Variants in WDR44 observed in about 807,000 individuals in gnomAD.
WDR44 encodes WD repeat domain 44.
WDR44 carries 9 observed loss-of-function variants against 65.7 expected under a neutral mutation model. That is an observed-to-expected ratio of 0.14 (90% CI 0.08 to 0.24). The LOEUF (loss-of-function observed/expected upper bound fraction) is 0.24. WDR44 is among the 10% of genes least tolerant of loss of function. The probability of loss-of-function intolerance (pLI) is 1.00; values close to 1 mark genes in which losing one functional copy is unlikely to be tolerated. For missense variants in WDR44, 425 were observed against 670.9 expected, an observed-to-expected ratio of 0.63 and a Z score of 4.05; for synonymous variants, 220 against 235.2, an observed-to-expected ratio of 0.94 and a Z score of 0.59.
chrX:118,442,729 CT>C, intron 17 of WDR44, 49 bp downstream of exon 17: 1 of 1,040,055 alleles, frequency 9.6e-7, no homozygotes, highest in Non-Finnish European at 1.3e-6. Context: ...CATTTCTCCC[CT>C]AGTTCCATTT....
At chrX:118,425,642 C>T (rs1428211787) in intron 12 of WDR44, among the ~76,000 whole-genome samples, 1 of 109,903 alleles carries the variant, frequency 9.1e-6, no homozygotes, top group African/African-American at 3.3e-5. Flanking sequence ...AGCAAGACTC[C>T]ATCTCAAAAA....
At chrX:118,352,353 T>TATATATATATATATATATATATATA (rs1491172810) in intron 1 of WDR44, among the ~76,000 whole-genome samples, 1 of 15,795 alleles carries the variant, frequency 6.3e-5, no homozygotes, top group Non-Finnish European at 8.6e-5. Context: ...TATATATATA[T>TATATATATATATATATATATATATA]TTTTTTTTTT....
At chrX:118,367,355 T>G (rs761509112) in intron 1 of WDR44, among the ~76,000 whole-genome samples, 6 of 111,743 alleles carry the variant, frequency 5.4e-5, no homozygotes, top group Non-Finnish European at 7.5e-5. Flanking sequence ...TGCTCTTTTT[T>G]TGTGTGTGTG....
At chrX:118,390,122 A>G (rs984815083) in intron 3 of WDR44, among the ~76,000 whole-genome samples, 2 of 109,498 alleles carry the variant, frequency 1.8e-5, no homozygotes, top group Non-Finnish European at 3.8e-5. Flanking sequence ...GGGTTTCACC[A>G]TGTTGGCCAG....
chrX:118,375,375 A>G (rs1986586), intron 1 of WDR44, among the ~76,000 whole-genome samples: 15,728 of 108,492 alleles, frequency 0.14, 2,071 homozygotes, highest in African/African-American at 0.4. Flanking sequence ...CCACATGGAA[A>G]TTTGTGCCCC....
chrX:118,354,431 A>C (rs1003452985), intron 1 of WDR44, among the ~76,000 whole-genome samples: 2 of 110,225 alleles, frequency 1.8e-5, no homozygotes, highest in Non-Finnish European at 3.8e-5. Context: ...AAAAAAAAAA[A>C]AAACTATAGT....
At chrX:118,423,176 T>G (rs1213729524) in intron 12 of WDR44, among the ~76,000 whole-genome samples, 1 of 105,214 alleles carries the variant, frequency 9.5e-6, no homozygotes, top group African/African-American at 3.4e-5. Flanking sequence ...TATAAAGTTG[T>G]TTTTTTTTTG....
intron 16 of WDR44, 69 bp from the exon 17 acceptor site, chrX:118,442,496 C>A: frequency 9.6e-7 from 1 of 1,042,692 alleles, no homozygotes; most frequent in Non-Finnish European, 1.3e-6. Context: ...GTGTAACACC[C>A]TTTTTGGGTT....
chrX:118,390,420 T>G (rs766689693), intron 3 of WDR44, among the ~76,000 whole-genome samples: 1 of 111,679 alleles, frequency 9.0e-6, no homozygotes, highest in South Asian at 3.7e-4. Flanking sequence ...AGGTACTAAT[T>G]ATCTGGTGTA....
At chrX:118,421,889 C>T (rs997224018) in intron 12 of WDR44, among the ~76,000 whole-genome samples, 6 of 111,465 alleles carry the variant, frequency 5.4e-5, no homozygotes, top group Non-Finnish European at 1.1e-4. Flanking sequence ...GACTGTTAGA[C>T]CTCATGGCTT....
chrX:118,399,553 A>G (rs1265007776), intron 8 of WDR44, among the ~76,000 whole-genome samples: 1 of 111,736 alleles, frequency 8.9e-6, no homozygotes, highest in Non-Finnish European at 1.9e-5. Context: ...AATTACTACA[A>G]TTATTCTGGG....
chrX:118,361,552 T>A (rs2056512039), intron 1 of WDR44, among the ~76,000 whole-genome samples: 1 of 111,508 alleles, frequency 9.0e-6, no homozygotes, highest in Non-Finnish European at 1.9e-5. Flanking sequence ...AAGAACAGCC[T>A]GGGCAATATG....
At position 118,371,362 on chromosome X, in the gene WDR44, G is replaced by T. The variant is rs12008788; in HGVS notation, c.78-7057G>T. Among the ~76,000 whole-genome samples, 160 of 111,125 alleles carry T rather than the reference G, an allele frequency of 1.4e-3. 2 individuals carry two copies. The highest frequency in any genetic ancestry group is 4.6e-3 in the Middle Eastern group (1 of 218). On this transcript the variant is annotated intron_variant, in intron 1 of 19. Coordinates refer to ENST00000254029, the MANE Select transcript of WDR44 (RefSeq NM_019045.5). ...GAGGGTACAAAGTTTTAGTTAGGAGGAATAAGTTCTGGAGAACTATTGCAC... is the reference window on the plus strand; with the variant it reads ...GAGGGTACAAAGTTTTAGTTAGGAGTAATAAGTTCTGGAGAACTATTGCAC...
chrX:118,356,846 CTT>C (rs774889869), intron 1 of WDR44, among the ~76,000 whole-genome samples: 5 of 90,087 alleles, frequency 5.6e-5, no homozygotes, highest in Admixed American at 1.3e-4. Flanking sequence ...ATATTTCTTT[CTT>C]TTTTTTTTTT....
intron 8 of WDR44, among the ~76,000 whole-genome samples, chrX:118,402,435 C>CAAAAAA (rs758497932): frequency 1.4e-4 from 2 of 14,423 alleles, no homozygotes; most frequent in Non-Finnish European, 1.0e-4. Context: ...AACTCTGTCT[C>CAAAAAA]AAAAAAAAAA....
At chrX:118,357,099 G>A (rs1264214309) in intron 1 of WDR44, among the ~76,000 whole-genome samples, 1 of 110,195 alleles carries the variant, frequency 9.1e-6, no homozygotes, top group Non-Finnish European at 1.9e-5. Flanking sequence ...TCAAAGTGCT[G>A]GGATTACAGG....
chrX:118,363,525 G>A (rs1170993820), intron 1 of WDR44, among the ~76,000 whole-genome samples: 2 of 110,819 alleles, frequency 1.8e-5, no homozygotes, highest in South Asian at 3.8e-4. Context: ...AACAATAAGC[G>A]AAATCTGGGA....
chrX:118,449,167 A>G lies in WDR44; in HGVS notation c.*180A>G. 1 of 311,207 alleles carries G rather than the reference A, an allele frequency of 3.2e-6. No homozygotes were observed. The highest frequency in any genetic ancestry group is 5.7e-6 in the Non-Finnish European group (1 of 174,205). 25.6% of individuals were successfully genotyped at this position (311,207 alleles called of 1,213,427 possible). A position where few individuals can be genotyped will look rare whatever the true frequency, so the allele number is the denominator to read the frequency against. ...ACCCTGGGCTGATAGAGTAGAAAGGAATATGGCTAGAATAACATTGCCAAA... is the reference window on the plus strand; with the variant it reads ...ACCCTGGGCTGATAGAGTAGAAAGGGATATGGCTAGAATAACATTGCCAAA... On this transcript the variant is annotated 3_prime_UTR_variant, in exon 20 of 20. Transcript: ENST00000254029.
intron 11 of WDR44, among the ~76,000 whole-genome samples, chrX:118,409,958 C>T (rs181647988): frequency 2.4e-4 from 27 of 111,729 alleles, no homozygotes; most frequent in African/African-American, 8.4e-4. Flanking sequence ...GAATGAAAAT[C>T]ATATATATCC....
Sources: gnomAD v4.1 joint callset for allele counts (sites outside exome capture counted in the v4.1 genomes callset) on GRCh38, gnomAD v4.1.1 for gene constraint, MANE v1.5 for transcripts, NCBI Gene and HGNC (gene_info 2026-07-23, HGNC 2026-07-21) for gene names.